LINGO2: variants seen among roughly 807,000 people sequenced by gnomAD.
LINGO2 encodes leucine-rich repeat and immunoglobulin-like domain-containing nogo receptor-interacting protein 2.
LINGO2 carries 14 observed loss-of-function variants against 30.6 expected under a neutral mutation model. The observed-to-expected ratio is 0.46, with a 90% CI of 0.30 to 0.72. The LOEUF is 0.72. LINGO2 is among the 30% of genes least tolerant of loss of function. The pLI, the probability that LINGO2 is intolerant of heterozygous loss-of-function variation, is 0.07. For synonymous variants in LINGO2, 317 were observed against 288.5 expected, an observed-to-expected ratio of 1.10 and a Z score of -1.00; for missense variants, 729 against 751.7, an observed-to-expected ratio of 0.97 and a Z score of 0.35.
At chr9:28,921,911 G>A in the LINGO2 span, among the ~76,000 whole-genome samples, 2 of 152,190 alleles carry the variant, frequency 1.3e-5, no homozygotes, top group African/African-American at 2.4e-5. Flanking sequence ...TCCCTGAGGT[G>A]TTGAATCAGG....
chr9:29,016,511 G>C, the LINGO2 span, among the ~76,000 whole-genome samples: 3 of 152,144 alleles, frequency 2.0e-5, no homozygotes, highest in Non-Finnish European at 4.4e-5. Flanking sequence ...GAAAATAAAA[G>C]ACATAAACTA....
the LINGO2 span, among the ~76,000 whole-genome samples, chr9:29,173,989 T>C: frequency 2.0e-5 from 3 of 151,972 alleles, no homozygotes; most frequent in African/African-American, 7.3e-5. Context: ...GTCAAGGAAT[T>C]AGAATTGAAA....
intron 1 of LINGO2, among the ~76,000 whole-genome samples, chr9:28,529,743 T>G (rs1340237713): frequency 6.6e-6 from 1 of 151,318 alleles, no homozygotes; most frequent in African/African-American, 2.4e-5. Context: ...ACATAATGAA[T>G]AGTTTAAGGT....
intron 2 of LINGO2, among the ~76,000 whole-genome samples, chr9:28,469,992 AT>A (rs940490659): frequency 2.6e-5 from 4 of 152,170 alleles, no homozygotes; most frequent in Non-Finnish European, 5.9e-5. Context: ...TAAAAAACAA[AT>A]GTATAAAATA....
At chr9:28,135,117 T>C (rs1244939266) in intron 4 of LINGO2, among the ~76,000 whole-genome samples, 1 of 152,208 alleles carries the variant, frequency 6.6e-6, no homozygotes, top group Non-Finnish European at 1.5e-5. Flanking sequence ...AAGAAGGTGT[T>C]ATGTCATACC....
intron 1 of LINGO2, among the ~76,000 whole-genome samples, chr9:28,502,189 C>T (rs1038942401): frequency 7.3e-5 from 11 of 150,990 alleles, no homozygotes; most frequent in African/African-American, 1.5e-4. Flanking sequence ...TCTGTGGCAT[C>T]GCACAATCTT....
chr9:29,070,742 CA>C, the LINGO2 span, among the ~76,000 whole-genome samples: 29,325 of 143,172 alleles, frequency 0.2, 2,989 homozygotes, highest in African/African-American at 0.25. Flanking sequence ...CACTATTTTC[CA>C]AAAAAAAAAA....
chr9:28,348,830 G>T (rs532879692), intron 3 of LINGO2, among the ~76,000 whole-genome samples: 1 of 151,842 alleles, frequency 6.6e-6, no homozygotes, highest in South Asian at 2.1e-4. Context: ...TCCTCAAGTG[G>T]GTCCCTGACC....
intron 1 of LINGO2, among the ~76,000 whole-genome samples, chr9:28,632,874 A>G (rs1827056436): frequency 1.1e-5 from 1 of 93,058 alleles, no homozygotes. Flanking sequence ...ATATATATAT[A>G]TATATGTAGA....
At chr9:28,109,320 C>T (rs7034769) in intron 4 of LINGO2, among the ~76,000 whole-genome samples, 21,070 of 152,130 alleles carry the variant, frequency 0.14, 1,545 homozygotes, top group South Asian at 0.19. Context: ...GAAGCATTCC[C>T]TTTGAAAACC....
At chr9:28,137,719 G>A (rs1827558513) in intron 4 of LINGO2, among the ~76,000 whole-genome samples, 1 of 152,006 alleles carries the variant, frequency 6.6e-6, no homozygotes, top group Non-Finnish European at 1.5e-5. Context: ...TTTTCATAAT[G>A]ATAGGCATAT....
chr9:28,134,273 G>C (rs1434421613), intron 4 of LINGO2, among the ~76,000 whole-genome samples: 1 of 152,116 alleles, frequency 6.6e-6, no homozygotes, highest in Non-Finnish European at 1.5e-5. Context: ...GAGAAAGAGA[G>C]ACAGAGAAAG....
chr9:29,161,528 T>G, the LINGO2 span, among the ~76,000 whole-genome samples: 1 of 152,242 alleles, frequency 6.6e-6, no homozygotes, highest in South Asian at 2.1e-4. Flanking sequence ...GTGTTGGAAT[T>G]CTTAGTGATT....
chr9:28,196,722 T>C lies in LINGO2; in HGVS notation c.-87+98486A>G, dbSNP rs531418099. ...TCATAATAAAAATACCCAAAGATTA[T>C]TTTTAAAATTTAGTCAATTTATATC... On this transcript the variant is annotated intron_variant, in intron 4 of 5. Coordinates refer to ENST00000379992, the Ensembl canonical transcript of LINGO2. Among the ~76,000 whole-genome samples the C allele has an allele frequency of 4.6e-5, 7 of 152,088 alleles. No homozygotes were observed. The South Asian group carries it at 1.4e-3, about 32-fold the overall frequency.
chr9:29,189,101 C>T, the LINGO2 span, among the ~76,000 whole-genome samples: 1 of 78,790 alleles, frequency 1.3e-5, no homozygotes, highest in Non-Finnish European at 3.2e-5. Flanking sequence ...GCTGGCCGAC[C>T]GCCCCGCCTC....
the LINGO2 span, among the ~76,000 whole-genome samples, chr9:28,846,553 G>T: frequency 6.8e-6 from 1 of 147,924 alleles, no homozygotes; most frequent in African/African-American, 2.6e-5. Flanking sequence ...TGCAGCTAAA[G>T]ACAAAGGGAC....
At chr9:28,632,991 A>C (rs1827073234) in intron 1 of LINGO2, among the ~76,000 whole-genome samples, 1 of 150,696 alleles carries the variant, frequency 6.6e-6, no homozygotes, top group Non-Finnish European at 1.5e-5. Flanking sequence ...AAGGACAGCC[A>C]GCCCGAGAGC....
At chr9:28,792,435 A>T in the LINGO2 span, among the ~76,000 whole-genome samples, 1 of 152,114 alleles carries the variant, frequency 6.6e-6, no homozygotes, top group Non-Finnish European at 1.5e-5. Flanking sequence ...AAATTTCCAA[A>T]CACAAAAATA....
At chr9:28,254,385 C>T (rs191309333) in intron 4 of LINGO2, among the ~76,000 whole-genome samples, 29 of 152,176 alleles carry the variant, frequency 1.9e-4, no homozygotes, top group Admixed American at 4.6e-4. Context: ...CCCCTAACCA[C>T]GCTCTCTCAA....
Sources: allele counts gnomAD v4.1 joint callset (sites outside exome capture counted in the v4.1 genomes callset), GRCh38; gene constraint gnomAD v4.1.1; transcripts MANE v1.5; gene names NCBI Gene and HGNC (gene_info 2026-07-23, HGNC 2026-07-21).